The following DTNA variants were observed in gnomAD, a reference collection of about 807,000 sequenced individuals.
The protein encoded by DTNA is dystrophin-related protein 3.
DTNA carries 43 observed loss-of-function variants against 100.7 expected under a neutral mutation model. The observed-to-expected ratio is 0.43, with a 90% CI of 0.33 to 0.55. The LOEUF (loss-of-function observed/expected upper bound fraction) is 0.55, where lower values mean the gene tolerates loss of function less well. Among genes scored for constraint, DTNA ranks in the 20% least tolerant of loss-of-function variants. The pLI is 0.04. For synonymous variants in DTNA, 349 were observed against 347.9 expected (o/e 1.00, Z -0.04); for missense variants, 798 against 953.9 (o/e 0.84, Z 2.15).
chr18:34,545,958 T>C (rs1214593253), intron 1 of DTNA, among the ~76,000 whole-genome samples: 1 of 152,082 alleles, frequency 6.6e-6, no homozygotes, highest in African/African-American at 2.4e-5. Flanking sequence ...CAAAGCACAG[T>C]GTGCAGCACG....
At chr18:34,517,156 A>AT (rs1343769776) in intron 1 of DTNA, among the ~76,000 whole-genome samples, 1 of 152,252 alleles carries the variant, frequency 6.6e-6, no homozygotes, top group East Asian at 1.9e-4. Flanking sequence ...AGCCATCCAC[A>AT]TAACTGTTGC....
At chr18:34,741,948 T>A (rs1426983464) in intron 1 of DTNA, among the ~76,000 whole-genome samples, 1 of 152,192 alleles carries the variant, frequency 6.6e-6, no homozygotes, top group Admixed American at 6.5e-5. Context: ...TAAATTTCAC[T>A]TCTCTAAGCC....
At chr18:34,521,371 T>C (rs1448137200) in intron 1 of DTNA, among the ~76,000 whole-genome samples, 1 of 152,174 alleles carries the variant, frequency 6.6e-6, no homozygotes, top group African/African-American at 2.4e-5. Context: ...TGGATGACTG[T>C]ATCCCCTGCT....
intron 1 of DTNA, among the ~76,000 whole-genome samples, chr18:34,628,851 T>C (rs1467026526): frequency 6.6e-6 from 1 of 152,186 alleles, no homozygotes; most frequent in Admixed American, 6.5e-5. Flanking sequence ...ACTCATAGTT[T>C]AAATCATTTA....
At chr18:34,884,096 C>T (rs1416002953) in intron 21 of DTNA, among the ~76,000 whole-genome samples, 1 of 152,090 alleles carries the variant, frequency 6.6e-6, no homozygotes, top group African/African-American at 2.4e-5. Context: ...ACACATATCT[C>T]CTTAGGCTCT....
intron 1 of DTNA, among the ~76,000 whole-genome samples, chr18:34,516,321 A>T (rs2041611592): frequency 6.6e-6 from 1 of 152,108 alleles, no homozygotes; most frequent in Admixed American, 6.6e-5. Flanking sequence ...GAGGGCAATA[A>T]AATATCACAA....
upstream of DTNA, among the ~76,000 whole-genome samples, chr18:34,710,074 C>A (rs967362519): frequency 6.6e-6 from 1 of 152,004 alleles, no homozygotes; most frequent in Non-Finnish European, 1.5e-5. Flanking sequence ...TATTCTTATA[C>A]TTCTGTTATT....
intron 1 of DTNA, among the ~76,000 whole-genome samples, chr18:34,629,689 A>G (rs1364252979): frequency 6.6e-6 from 1 of 152,176 alleles, no homozygotes; most frequent in Non-Finnish European, 1.5e-5. Context: ...CAGGCCACCT[A>G]TGCCTGTTAC....
chr18:34,738,184 A>G lies in DTNA; in HGVS notation c.-1-17792A>G, dbSNP rs147504034. 2.0e-3 allele frequency among the ~76,000 whole-genome samples: 310 copies of G among 152,294 alleles called. 5 individuals are homozygous for G. The highest frequency in any genetic ancestry group is 0.015 in the Admixed American group (225 of 15,304). ...CCTGGGGGCCAGGTGGCTTGGACAT[A>G]CAAAGCCACTTTAAAGATTCGGGAC... On this transcript the variant is annotated intron_variant, in intron 1 of 22. Coordinates refer to ENST00000444659, the MANE Select transcript of DTNA (RefSeq NM_001386795.1).
chr18:34,712,882 A>G (rs2083188623), intron 1 of DTNA, among the ~76,000 whole-genome samples: 1 of 152,150 alleles, frequency 6.6e-6, no homozygotes, highest in South Asian at 2.1e-4. Flanking sequence ...AAAAACAACC[A>G]TATTGAGTAA....
intron 1 of DTNA, among the ~76,000 whole-genome samples, chr18:34,559,198 A>T (rs1386965962): frequency 1.3e-5 from 2 of 152,248 alleles, no homozygotes; most frequent in Non-Finnish European, 2.9e-5. Context: ...AGGGCATATT[A>T]TAAAAAAGTA....
chr18:34,607,609 T>C (rs2053399642), intron 1 of DTNA, among the ~76,000 whole-genome samples: 1 of 152,178 alleles, frequency 6.6e-6, no homozygotes, highest in Non-Finnish European at 1.5e-5. Context: ...TCCCCAATAC[T>C]ACAAATACAT....
At chr18:34,721,703 T>C (rs894420674) in intron 1 of DTNA, among the ~76,000 whole-genome samples, 6 of 152,204 alleles carry the variant, frequency 3.9e-5, no homozygotes, top group African/African-American at 1.4e-4. Flanking sequence ...CTCATATCCA[T>C]GCAACACCCA....
chr18:34,840,456 G>A (rs1050515983), intron 13 of DTNA, among the ~76,000 whole-genome samples: 1 of 149,176 alleles, frequency 6.7e-6, no homozygotes, highest in Admixed American at 6.7e-5. Context: ...ACTATGATGC[G>A]ATCTCACATC....
chr18:34,584,839 G>T (rs779258420), intron 1 of DTNA, among the ~76,000 whole-genome samples: 1 of 151,762 alleles, frequency 6.6e-6, no homozygotes, highest in Non-Finnish European at 1.5e-5. Flanking sequence ...GGAGAAGGAA[G>T]AAATGAACAA....
At chr18:34,868,794 T>C (rs1319763462) in intron 17 of DTNA, 4 of 983,966 alleles carry the variant, frequency 4.1e-6, no homozygotes, top group East Asian at 2.3e-4. Context: ...GCAATAAATT[T>C]TTTTTTACAA....
chr18:34,550,641 A>C (rs563248535), intron 1 of DTNA, among the ~76,000 whole-genome samples: 1 of 152,298 alleles, frequency 6.6e-6, no homozygotes, highest in East Asian at 1.9e-4. Context: ...AGAACAATAA[A>C]ATTAATCTAG....
intron 1 of DTNA, among the ~76,000 whole-genome samples, chr18:34,602,354 A>G (rs754245510): frequency 2.2e-4 from 34 of 152,148 alleles, no homozygotes; most frequent in Non-Finnish European, 4.3e-4. Context: ...GATCAAATGA[A>G]TTTGGAACAT....
intron 4 of DTNA, among the ~76,000 whole-genome samples, chr18:34,800,625 G>A (rs951242953): frequency 6.6e-6 from 1 of 152,168 alleles, no homozygotes; most frequent in Non-Finnish European, 1.5e-5. Context: ...ATGTTTTTGT[G>A]AAATATGTTG....
Sources: allele counts gnomAD v4.1 joint callset (sites outside exome capture counted in the v4.1 genomes callset), GRCh38; gene constraint gnomAD v4.1.1; transcripts MANE v1.5; gene names NCBI Gene and HGNC (gene_info 2026-07-23, HGNC 2026-07-21).